The following EPB41L5 variants were observed in gnomAD, a reference collection of about 807,000 sequenced individuals.
EPB41L5 encodes the protein erythrocyte membrane protein band 4.1 like 5.
Under a neutral mutation model 106.6 loss-of-function variants are expected in EPB41L5, and 55 were observed. That is an observed-to-expected ratio of 0.52 (90% confidence interval 0.42 to 0.65). The LOEUF is 0.65. Among genes scored for constraint, EPB41L5 ranks in the 30% least tolerant of loss-of-function variants. The pLI is 0.00. For missense variants in EPB41L5, 871 were observed against 882.1 expected (o/e 0.99, Z 0.16); for synonymous variants, 297 against 306.7 (o/e 0.97, Z 0.33).
chr2:120,096,307 C>T lies in EPB41L5; in HGVS notation c.1178+3031C>T, dbSNP rs940847994. ...CACTCCGCTTTCTGAACAAGGACTC[C>T]CCTCAAGTTTCTTTAGCTGTCAATA... On this transcript the variant is annotated intron_variant, in intron 14 of 24. Coordinates refer to ENST00000263713, the MANE Select transcript of EPB41L5 (RefSeq NM_020909.4). Among the ~76,000 whole-genome samples, 5 of 151,986 alleles carry T rather than the reference C, an allele frequency of 3.3e-5. No homozygotes were observed. In the East Asian group the frequency reaches 7.7e-4, roughly 23 times the overall value.
chr2:120,160,915 A>G lies in EPB41L5; in HGVS notation c.1828A>G (p.Lys610Glu), dbSNP rs1158122505. 6.2e-7 allele frequency: 1 copy of G among 1,613,658 alleles called. No individual in the cohort carries two copies. The highest frequency in any genetic ancestry group is 1.1e-5 in the South Asian group (1 of 91,072). ...AAATGAGAATAATGTGCCCCTCCCC[A>G]AAGAGTCTCTTGAGACTCTGATGCT... ...VLNENNVPLP[K>E]ESLETLMLIT... The change falls in exon 21 of 25, where the codon AAA becomes GAA. Residue 610 changes from lysine to glutamate, a missense_variant. By Grantham distance (56) the Lys-to-Glu change is moderately conservative. Transcript: ENST00000263713.
intron 16 of EPB41L5, among the ~76,000 whole-genome samples, chr2:120,117,304 C>T (rs769960338): frequency 1.3e-5 from 2 of 152,146 alleles, no homozygotes; most frequent in Non-Finnish European, 2.9e-5. Context: ...AATTGCTATA[C>T]CCATGCCACT....
intron 3 of EPB41L5, among the ~76,000 whole-genome samples, chr2:120,054,813 G>A (rs1222540083): frequency 6.6e-6 from 1 of 150,964 alleles, no homozygotes; most frequent in African/African-American, 2.4e-5. Flanking sequence ...ATAGATATGT[G>A]GGTTTATTTC....
intron 12 of EPB41L5, 31 bp downstream of exon 12, chr2:120,090,547 T>C: frequency 6.3e-7 from 1 of 1,593,136 alleles, no homozygotes; most frequent in South Asian, 1.1e-5. Context: ...TATCTGTCTT[T>C]CATTGCATAC....
intron 1 of EPB41L5, among the ~76,000 whole-genome samples, chr2:120,015,159 TA>T (rs568384524): frequency 6.6e-6 from 1 of 150,910 alleles, no homozygotes; most frequent in Non-Finnish European, 1.5e-5. Context: ...CCGCCTCTAC[TA>T]AAAAAAATAA....
At chr2:120,140,549 G>T (rs1258423849) in intron 18 of EPB41L5, among the ~76,000 whole-genome samples, 1 of 151,940 alleles carries the variant, frequency 6.6e-6, no homozygotes, top group Non-Finnish European at 1.5e-5. Flanking sequence ...AGTAGAAGTT[G>T]AGCCCCCCGA....
At chr2:120,169,605 C>T (rs892467620) in intron 24 of EPB41L5, among the ~76,000 whole-genome samples, 3 of 152,216 alleles carry the variant, frequency 2.0e-5, no homozygotes, top group East Asian at 1.9e-4. Context: ...TCTCTCTCTC[C>T]CTCTCTCACC....
At chr2:120,075,000 C>T (rs1260046582) in intron 5 of EPB41L5, among the ~76,000 whole-genome samples, 2 of 152,050 alleles carry the variant, frequency 1.3e-5, no homozygotes, top group South Asian at 2.1e-4. Flanking sequence ...AGCCAATTTG[C>T]GTATTTTAAT....
At chr2:120,085,787 T>C (rs1362889453) in intron 10 of EPB41L5, among the ~76,000 whole-genome samples, 1 of 152,206 alleles carries the variant, frequency 6.6e-6, no homozygotes, top group Non-Finnish European at 1.5e-5. Context: ...TACCTCCAGC[T>C]TGTCCTGTGG....
intron 3 of EPB41L5, among the ~76,000 whole-genome samples, chr2:120,057,147 C>T (rs1476169599): frequency 4.6e-5 from 7 of 152,118 alleles, no homozygotes; most frequent in Non-Finnish European, 7.4e-5. Context: ...TCTTCAGCCT[C>T]GCAAAGTGCT....
chr2:120,165,892 T>TGGGA (rs951913443), intron 22 of EPB41L5, among the ~76,000 whole-genome samples: 2 of 132,112 alleles, frequency 1.5e-5, no homozygotes, highest in African/African-American at 5.8e-5. Context: ...TGCTGGAACC[T>TGGGA]GGGAGATGGA....
At chr2:120,151,328 GA>G (rs906018823) in intron 20 of EPB41L5, among the ~76,000 whole-genome samples, 119 of 151,884 alleles carry the variant, frequency 7.8e-4, no homozygotes, top group African/African-American at 2.4e-3. Flanking sequence ...TAATAATGCA[GA>G]AAAAAACCTA....
At chr2:120,164,033 A>T (rs1479082676) in intron 21 of EPB41L5, among the ~76,000 whole-genome samples, 1 of 112,886 alleles carries the variant, frequency 8.9e-6, no homozygotes, top group East Asian at 2.6e-4. Context: ...CCCAGGCTGG[A>T]GTGCAGTGGC....
rs139963526 is a variant in EPB41L5 at position 120,075,644 on chromosome 2, T to C, written c.453-57T>C. 131 of 1,464,226 alleles carry C rather than the reference T, an allele frequency of 8.9e-5. 1 individual carries two copies. The African/African-American group carries it at 1.7e-3, about 19-fold the overall frequency. The allele number at this position is 1,464,226 out of a possible 1,614,324, so 90.7% of individuals were successfully genotyped here. On this transcript the variant is annotated intron_variant, in intron 6 of 24. Transcript: ENST00000263713. ...ATAAAACATGTATTATTTTCATTTG[T>C]CTTAAAATGAAGGTTATGAAATCAA...
chr2:120,134,983 C>G (rs977723084), intron 18 of EPB41L5, among the ~76,000 whole-genome samples: 1 of 151,990 alleles, frequency 6.6e-6, no homozygotes, highest in African/African-American at 2.4e-5. Flanking sequence ...CCCAGATTGA[C>G]AGAGAGAGAT....
intron 14 of EPB41L5, among the ~76,000 whole-genome samples, chr2:120,098,154 T>TGTGTGTGTGTGTGTG: frequency 1.0e-4 from 1 of 9,780 alleles, no homozygotes; most frequent in East Asian, 5.2e-3. Context: ...AAATTGTTTG[T>TGTGTGTGTGTGTGTG]TTTGTGTGTG....
intron 2 of EPB41L5, among the ~76,000 whole-genome samples, chr2:120,026,392 G>A (rs1030536933): frequency 4.0e-5 from 6 of 151,260 alleles, no homozygotes; most frequent in African/African-American, 9.7e-5. Flanking sequence ...TTTTTGATAC[G>A]GAGTCTCACT....
intron 2 of EPB41L5, among the ~76,000 whole-genome samples, chr2:120,029,006 G>A: frequency 6.6e-6 from 1 of 152,240 alleles, no homozygotes; most frequent in East Asian, 1.9e-4. Context: ...ATATTGATTA[G>A]TTTGTGGAAG....
chr2:120,159,423 CAAAAAAAA>C (rs36001495), intron 20 of EPB41L5, among the ~76,000 whole-genome samples: 1 of 95,220 alleles, frequency 1.1e-5, no homozygotes, highest in Non-Finnish European at 2.1e-5. Context: ...GACTCCATCT[CAAAAAAAA>C]AAAAAAAAAA....
Sources: allele counts gnomAD v4.1 joint callset (sites outside exome capture counted in the v4.1 genomes callset), GRCh38; gene constraint gnomAD v4.1.1; transcripts MANE v1.5; gene names NCBI Gene and HGNC (gene_info 2026-07-23, HGNC 2026-07-21).